MARCHF1: variants seen among roughly 807,000 people sequenced by gnomAD.
MARCHF1 encodes the protein membrane associated ring-CH-type finger 1.
MARCHF1 carries 40 observed loss-of-function variants against 54.2 expected under a neutral mutation model. The ratio of observed to expected loss-of-function variants is 0.74; its 90% CI spans 0.57 to 0.96. MARCHF1 has a LOEUF of 0.96. Among genes scored for constraint, MARCHF1 ranks in the 40% least tolerant of loss-of-function variants. MARCHF1 has a pLI of 0.00. For missense variants in MARCHF1, 586 were observed against 656.5 expected, an observed-to-expected ratio of 0.89 and a Z score of 1.17; for synonymous variants, 236 against 236.3, an observed-to-expected ratio of 1.00 and a Z score of 0.01.
chr4:164,110,141 C>G lies in MARCHF1; in HGVS notation c.-248+1447G>C, dbSNP rs902277234. Among the ~76,000 whole-genome samples, 4 of 151,238 alleles carry G rather than the reference C, an allele frequency of 2.6e-5. No homozygotes were observed. In the South Asian group the frequency reaches 6.2e-4, roughly 24 times the overall value. On this transcript the variant is annotated intron_variant, in intron 2 of 9. Transcript: ENST00000514618. Reference sequence around the variant, plus strand: ...TTGGAGATACACACACACACACACACACACACACACACACACAGGTAGCTA... The same window carrying G: ...TTGGAGATACACACACACACACACAGACACACACACACACACAGGTAGCTA...
chr4:164,213,248 ATTT>A, intron 1 of MARCHF1, among the ~76,000 whole-genome samples: 2 of 123,192 alleles, frequency 1.6e-5, no homozygotes, highest in South Asian at 2.7e-4. Flanking sequence ...TATTATTATT[ATTT>A]GAGATGGAGT....
At chr4:164,326,748 A>G (rs889894487) in intron 1 of MARCHF1, among the ~76,000 whole-genome samples, 1 of 152,212 alleles carries the variant, frequency 6.6e-6, no homozygotes, top group African/African-American at 2.4e-5. Flanking sequence ...CACATTTTCA[A>G]TTAAACCACA....
At chr4:163,664,276 A>G (rs993245088) in intron 5 of MARCHF1, among the ~76,000 whole-genome samples, 13 of 152,102 alleles carry the variant, frequency 8.5e-5, no homozygotes, top group Admixed American at 6.6e-5. Flanking sequence ...TGCTCAGTAC[A>G]TTCCCAGATG....
chr4:163,668,971 A>C (rs1743635986), intron 5 of MARCHF1, among the ~76,000 whole-genome samples: 1 of 152,140 alleles, frequency 6.6e-6, no homozygotes, highest in Non-Finnish European at 1.5e-5. Context: ...TCAGTTCTGC[A>C]GACTGAAAGT....
intron 1 of MARCHF1, among the ~76,000 whole-genome samples, chr4:164,265,119 T>G (rs2111290804): frequency 1.3e-5 from 2 of 152,260 alleles, no homozygotes; most frequent in Non-Finnish European, 2.9e-5. Flanking sequence ...CATGCTCCTT[T>G]TGTGAATCTC....
At chr4:164,309,296 CTGTG>C (rs1281070044) in intron 1 of MARCHF1, among the ~76,000 whole-genome samples, 1 of 147,110 alleles carries the variant, frequency 6.8e-6, no homozygotes, top group East Asian at 2.0e-4. Flanking sequence ...GCGTGTGTGT[CTGTG>C]TGTTATTGTG....
In MARCHF1 at chr4:163,548,645, A is replaced by G. The variant is rs116461363; in HGVS notation, c.1192-2902T>C. Among the ~76,000 whole-genome samples the G allele has an allele frequency of 5.8e-3, 878 of 152,330 alleles. 11 individuals are homozygous for G. Among genetic ancestry groups the G allele is most frequent in the African/African-American group, 0.02 (841 of 41,568 alleles). ...CAGGAACCATTTAGAAACTCACTAG[A>G]CAGCACACAAGTAAATGTAATGCCA... On this transcript the variant is annotated intron_variant, in intron 8 of 9. Transcript: ENST00000514618.
chr4:163,904,623 A>G (rs1045782875), intron 3 of MARCHF1, among the ~76,000 whole-genome samples: 7 of 152,174 alleles, frequency 4.6e-5, no homozygotes, highest in Non-Finnish European at 7.4e-5. Context: ...TATTAGGGAA[A>G]GACTGTTATC....
chr4:164,161,238 G>T (rs546885094), intron 1 of MARCHF1, among the ~76,000 whole-genome samples: 1 of 152,150 alleles, frequency 6.6e-6, no homozygotes, highest in Non-Finnish European at 1.5e-5. Flanking sequence ...TTAAAAATAT[G>T]TAAAACCTCT....
Position 164,320,585 on chromosome 4 carries a change from C to T in MARCHF1, c.-323+63285G>A, listed in dbSNP as rs577022868. 4.6e-5 allele frequency among the ~76,000 whole-genome samples: 7 copies of T among 152,196 alleles called. No individual in the cohort carries two copies. In the South Asian group the frequency reaches 1.2e-3, roughly 27 times the overall value. On this transcript the variant is annotated intron_variant, in intron 1 of 9. Transcript: ENST00000514618. The stretch of plus-strand genomic sequence containing the variant: ...TTTACCACACCTACGAATGTATAGC[C>T]TTTGCCATCCCAGATAAACATATAC...
chr4:164,257,115 T>C (rs1471038753), intron 1 of MARCHF1, among the ~76,000 whole-genome samples: 3 of 152,084 alleles, frequency 2.0e-5, no homozygotes, highest in Non-Finnish European at 4.4e-5. Context: ...CATCACATAA[T>C]ATATACAAAA....
chr4:163,546,878 T>C (rs987114412), intron 8 of MARCHF1, among the ~76,000 whole-genome samples: 1 of 152,234 alleles, frequency 6.6e-6, no homozygotes, highest in Admixed American at 6.5e-5. Flanking sequence ...TATTTTAATG[T>C]CTTTGTAGCT....
intron 2 of MARCHF1, among the ~76,000 whole-genome samples, chr4:164,099,216 G>T (rs1755481279): frequency 6.6e-6 from 1 of 152,122 alleles, no homozygotes; most frequent in East Asian, 1.9e-4. Context: ...GATACAATCA[G>T]GAAAAGTCAG....
At chr4:164,198,379 G>A (rs1473299898) in intron 1 of MARCHF1, among the ~76,000 whole-genome samples, 1 of 152,070 alleles carries the variant, frequency 6.6e-6, no homozygotes. Context: ...AAATTTGAGT[G>A]GCATGTATGT....
At chr4:163,670,406 CTAT>C (rs1213986066) in intron 5 of MARCHF1, among the ~76,000 whole-genome samples, 2 of 151,790 alleles carry the variant, frequency 1.3e-5, no homozygotes, top group African/African-American at 2.4e-5. Context: ...ATCTATCTAT[CTAT>C]CTATCTATCT....
intron 3 of MARCHF1, among the ~76,000 whole-genome samples, chr4:163,899,763 TAC>T (rs70948674): frequency 0.023 from 3,472 of 148,790 alleles, 48 homozygotes; most frequent in East Asian, 0.044. Flanking sequence ...TCTCACCCAC[TAC>T]ACACACACAC....
chr4:163,688,137 A>T (rs549623110), intron 5 of MARCHF1, among the ~76,000 whole-genome samples: 1 of 152,192 alleles, frequency 6.6e-6, no homozygotes, highest in Non-Finnish European at 1.5e-5. Flanking sequence ...AACCACACGA[A>T]AAACAAATAT....
chr4:163,784,682 A>C (rs1007089259), intron 4 of MARCHF1, among the ~76,000 whole-genome samples: 1 of 152,180 alleles, frequency 6.6e-6, no homozygotes, highest in Non-Finnish European at 1.5e-5. Context: ...CTGGAAAAAT[A>C]AGAACTGGAA....
intron 5 of MARCHF1, among the ~76,000 whole-genome samples, chr4:163,620,598 CACACACACAGAGAGAGAGAGAG>C (rs1260873880): frequency 1.6e-4 from 13 of 82,838 alleles, no homozygotes; most frequent in East Asian, 6.0e-4. Flanking sequence ...CACACACACA[CACACACACAGAGAGAGAGAGAG>C]AGAGAGAGAG....
Sources: allele counts gnomAD v4.1 joint callset (sites outside exome capture counted in the v4.1 genomes callset), GRCh38; gene constraint gnomAD v4.1.1; transcripts MANE v1.5; gene names NCBI Gene and HGNC (gene_info 2026-07-23, HGNC 2026-07-21).